ASCC1: variants seen among roughly 807,000 people sequenced by gnomAD.
ASCC1 encodes the protein ASC-1 complex subunit P50.
Under a neutral mutation model 46.6 loss-of-function variants are expected in ASCC1, and 35 were observed. That is an observed-to-expected ratio of 0.75 (90% CI 0.57 to 0.99). The LOEUF (loss-of-function observed/expected upper bound fraction) is 0.99, where lower values mean the gene tolerates loss of function less well. Ranked by LOEUF, ASCC1 falls within the 50% of genes least tolerant of loss-of-function variation. ASCC1 has a pLI of 0.00. For missense variants in ASCC1, 376 were observed against 428.7 expected, an observed-to-expected ratio of 0.88 and a Z score of 1.09; for synonymous variants, 143 against 146.6, an observed-to-expected ratio of 0.98 and a Z score of 0.18.
At chr10:72,129,905 C>T (rs1267404824) in intron 8 of ASCC1, among the ~76,000 whole-genome samples, 4 of 129,802 alleles carry the variant, frequency 3.1e-5, no homozygotes, top group Non-Finnish European at 6.3e-5. Flanking sequence ...CATTTGAGTG[C>T]GGGAGGTGGA....
intron 9 of ASCC1, among the ~76,000 whole-genome samples, chr10:72,105,418 C>A (rs1392286210): frequency 6.6e-6 from 1 of 152,224 alleles, no homozygotes; most frequent in Non-Finnish European, 1.5e-5. Flanking sequence ...CTCCCTCCCA[C>A]AAGGGGTTGA....
At chr10:72,210,646 C>A in intron 3 of ASCC1, 86 bp downstream of exon 3, 1 of 1,015,346 alleles carries the variant, frequency 9.8e-7, no homozygotes, top group Non-Finnish European at 1.5e-6. Flanking sequence ...TCAAGCACTG[C>A]AATAAGTATG....
chr10:72,149,233 T>A (rs1050012760), intron 7 of ASCC1, among the ~76,000 whole-genome samples: 4 of 151,674 alleles, frequency 2.6e-5, no homozygotes, highest in African/African-American at 9.7e-5. Flanking sequence ...GGTCAGGAGA[T>A]CAAGACCATC....
intron 9 of ASCC1, among the ~76,000 whole-genome samples, chr10:72,099,237 G>C (rs1258172182): frequency 6.6e-6 from 1 of 152,210 alleles, no homozygotes; most frequent in Non-Finnish European, 1.5e-5. Context: ...ATGGCCTACA[G>C]ACAGCATGAA....
intron 1 of ASCC1, among the ~76,000 whole-genome samples, chr10:72,213,619 A>G (rs1204317735): frequency 1.3e-5 from 2 of 148,560 alleles, no homozygotes; most frequent in Admixed American, 1.3e-4. Flanking sequence ...AAAAAAAAAG[A>G]AGGAAGGGAG....
chr10:72,204,357 G>A (rs1856909059), intron 3 of ASCC1: 2 of 1,546,838 alleles, frequency 1.3e-6, no homozygotes, highest in African/African-American at 2.7e-5. Flanking sequence ...ATGAAGACGG[G>A]ACATGAGCTC....
intron 5 of ASCC1, among the ~76,000 whole-genome samples, chr10:72,182,364 G>A (rs1039255363): frequency 2.0e-5 from 3 of 152,118 alleles, no homozygotes; most frequent in African/African-American, 7.2e-5. Flanking sequence ...TCTTCCCTCA[G>A]GATGGAGCAA....
intron 5 of ASCC1, among the ~76,000 whole-genome samples, chr10:72,172,318 A>G (rs1159592537): frequency 1.3e-5 from 2 of 151,196 alleles, no homozygotes; most frequent in Non-Finnish European, 2.9e-5. Flanking sequence ...CGAGGGCTGA[A>G]GCAGGAAAAT....
intron 5 of ASCC1, among the ~76,000 whole-genome samples, chr10:72,186,851 G>A (rs7088609): frequency 0.06 from 8,309 of 138,510 alleles, 784 homozygotes; most frequent in African/African-American, 0.2. Context: ...TCATTCTGGC[G>A]AAATCAAAGC....
chr10:72,152,050 G>GGT (rs1239701495), intron 7 of ASCC1, among the ~76,000 whole-genome samples: 14 of 150,376 alleles, frequency 9.3e-5, no homozygotes. Context: ...GGAGTGCAGT[G>GGT]GTGTGATCAC....
At chr10:72,097,526 A>C in intron 9 of ASCC1, 76 bp from the exon 10 acceptor site, 1 of 876,932 alleles carries the variant, frequency 1.1e-6, no homozygotes. Flanking sequence ...ATTATCTTGT[A>C]AAAACACCAA....
At chr10:72,099,485 C>T (rs932267802) in intron 9 of ASCC1, among the ~76,000 whole-genome samples, 2 of 152,134 alleles carry the variant, frequency 1.3e-5, no homozygotes, top group Non-Finnish European at 2.9e-5. Flanking sequence ...CTGTACCAAC[C>T]ACAACAGGGG....
chr10:72,115,704 T>C (rs1843422527), intron 9 of ASCC1, among the ~76,000 whole-genome samples: 1 of 152,190 alleles, frequency 6.6e-6, no homozygotes, highest in Non-Finnish European at 1.5e-5. Context: ...CTTTTTACAG[T>C]GTTGTTTTGG....
intron 9 of ASCC1, among the ~76,000 whole-genome samples, chr10:72,119,971 T>G (rs1332293402): frequency 6.6e-6 from 1 of 152,228 alleles, no homozygotes; most frequent in African/African-American, 2.4e-5. Flanking sequence ...GTGCAGTGGC[T>G]CACGCCTGTA....
rs753419523 is a variant in ASCC1 at position 72,196,917 on chromosome 10, C to T, written c.383G>A (p.Arg128Gln). The change falls in exon 5 of 10, where the codon CGA (arginine) becomes CAA (glutamine). Residue 128 changes from arginine to glutamine, a missense_variant. Physicochemically the swap from Arg to Gln is conservative, Grantham distance 43. Coordinates refer to ENST00000672957, the MANE Select transcript of ASCC1 (RefSeq NM_001198800.3). Reference protein sequence around the residue: ...TRIDVLLDTFRRKQPFTHFLA... With the variant: ...TRIDVLLDTFQRKQPFTHFLA... The stretch of plus-strand genomic sequence containing the variant: ...GAAGTGAGTGAAGGGCTGCTTTCTT[C>T]GAAAAGTGTCCAAAAGAACATCAAT... 19 of 1,613,462 alleles carry T rather than the reference C, an allele frequency of 1.2e-5. No homozygotes were observed. Among genetic ancestry groups the T allele is most frequent in the Admixed American group, 1.0e-4 (6 of 59,978 alleles).
chr10:72,208,756 T>C (rs1402944711), intron 3 of ASCC1, among the ~76,000 whole-genome samples: 1 of 151,060 alleles, frequency 6.6e-6, no homozygotes, highest in Non-Finnish European at 1.5e-5. Flanking sequence ...TAAGACTCCA[T>C]CTCAAAAAAA....
chr10:72,157,654 CTG>C (rs1849141516), intron 6 of ASCC1, among the ~76,000 whole-genome samples: 1 of 152,154 alleles, frequency 6.6e-6, no homozygotes, highest in African/African-American at 2.4e-5. Flanking sequence ...CCTGAAAAAA[CTG>C]TTATACTGGG....
At chr10:72,203,066 C>T (rs1424693465) in intron 4 of ASCC1, among the ~76,000 whole-genome samples, 15 of 152,184 alleles carry the variant, frequency 9.9e-5, no homozygotes. Context: ...AGGGGAGGAT[C>T]ACCTGAGGTC....
chr10:72,131,006 T>G (rs1845518488), intron 8 of ASCC1, among the ~76,000 whole-genome samples: 1 of 152,204 alleles, frequency 6.6e-6, no homozygotes, highest in Non-Finnish European at 1.5e-5. Context: ...AAATACACTG[T>G]TCAGAATAAA....
Sources: allele counts gnomAD v4.1 joint callset (sites outside exome capture counted in the v4.1 genomes callset), GRCh38; gene constraint gnomAD v4.1.1; transcripts MANE v1.5; gene names NCBI Gene and HGNC (gene_info 2026-07-23, HGNC 2026-07-21).